The following MBD2 variants were observed in gnomAD, a reference collection of about 807,000 sequenced individuals.
MBD2 encodes methyl-CpG binding domain protein 2, also known as methyl-CpG-binding domain protein 2.
In MBD2, 9 loss-of-function variants were observed where a neutral mutation model predicts 39.3. The ratio of observed to expected loss-of-function variants is 0.23; its 90% CI spans 0.14 to 0.40. The LOEUF is 0.40. Among genes scored for constraint, MBD2 ranks in the 10% least tolerant of loss-of-function variants. MBD2 has a pLI of 1.00. For missense variants in MBD2, 458 were observed against 532.6 expected, an observed-to-expected ratio of 0.86 and a Z score of 1.38; for synonymous variants, 233 against 211.1, an observed-to-expected ratio of 1.10 and a Z score of -0.90.
intron 3 of MBD2, among the ~76,000 whole-genome samples, chr18:54,178,400 T>C (rs2086227215): frequency 6.6e-6 from 1 of 152,180 alleles, no homozygotes; most frequent in Middle Eastern, 3.4e-3. Context: ...AATGTAAGGG[T>C]AATCTCACCA....
intron 2 of MBD2, among the ~76,000 whole-genome samples, chr18:54,201,095 A>G (rs1479921041): frequency 6.6e-6 from 1 of 151,952 alleles, no homozygotes; most frequent in African/African-American, 2.4e-5. Context: ...AAAAAAAAAA[A>G]ATTGAGTTAT....
chr18:54,156,318 A>G (rs576379294), intron 6 of MBD2, among the ~76,000 whole-genome samples: 3 of 152,338 alleles, frequency 2.0e-5, no homozygotes, highest in Non-Finnish European at 2.9e-5. Flanking sequence ...AGTTGGGAAG[A>G]TAACATAAAT....
chr18:54,210,270 A>C (rs931049834), intron 1 of MBD2, among the ~76,000 whole-genome samples: 1 of 152,362 alleles, frequency 6.6e-6, no homozygotes, highest in Admixed American at 6.5e-5. Context: ...ACATAGGAAC[A>C]TTTCATCACT....
intron 3 of MBD2, among the ~76,000 whole-genome samples, chr18:54,185,398 A>G (rs2144307073): frequency 6.6e-6 from 1 of 152,312 alleles, no homozygotes; most frequent in East Asian, 1.9e-4. Flanking sequence ...AAAACACAAA[A>G]GCCTTTTAGC....
chr18:54,172,918 T>G (rs2086188342), intron 3 of MBD2, among the ~76,000 whole-genome samples: 1 of 152,240 alleles, frequency 6.6e-6, no homozygotes, highest in Non-Finnish European at 1.5e-5. Flanking sequence ...TTATAAACAC[T>G]TGAACATGCC....
intron 2 of MBD2, among the ~76,000 whole-genome samples, chr18:54,196,946 A>G (rs936194175): frequency 6.6e-6 from 1 of 152,230 alleles, no homozygotes; most frequent in African/African-American, 2.4e-5. Flanking sequence ...AATTAGCCAA[A>G]AAGATGGAAC....
chr18:54,193,535 T>A (rs1234097611), intron 2 of MBD2, among the ~76,000 whole-genome samples: 2 of 148,812 alleles, frequency 1.3e-5, no homozygotes, highest in East Asian at 1.9e-4. Flanking sequence ...TAAAAATAAA[T>A]CTTTCTTATT....
intron 1 of MBD2, among the ~76,000 whole-genome samples, chr18:54,211,400 C>T (rs1410409568): frequency 1.3e-5 from 2 of 151,374 alleles, no homozygotes; most frequent in African/African-American, 4.8e-5. Context: ...CACACACACA[C>T]ACACACACAC....
chr18:54,204,605 T>C (rs1252184184), intron 2 of MBD2, among the ~76,000 whole-genome samples: 1 of 152,194 alleles, frequency 6.6e-6, no homozygotes, highest in East Asian at 1.9e-4. Flanking sequence ...AACACTGCCC[T>C]TTCTCAAAAT....
intron 1 of MBD2, among the ~76,000 whole-genome samples, chr18:54,205,407 G>C (rs1205357308): frequency 6.6e-6 from 1 of 151,410 alleles, no homozygotes; most frequent in Non-Finnish European, 1.5e-5. Context: ...CCCCGTCTCT[G>C]CTAAAAAAAA....
intron 2 of MBD2, among the ~76,000 whole-genome samples, chr18:54,194,868 G>A (rs1418281532): frequency 6.6e-6 from 1 of 152,052 alleles, no homozygotes; most frequent in Admixed American, 6.5e-5. Flanking sequence ...TTGAAAGCAA[G>A]TAATTGTACT....
chr18:54,205,516 A>C (rs1229850282), intron 1 of MBD2, among the ~76,000 whole-genome samples: 1 of 151,100 alleles, frequency 6.6e-6, no homozygotes, highest in African/African-American at 2.4e-5. Context: ...GCTTGAACTC[A>C]GGAGGTGGAG....
chr18:54,176,238 A>T (rs1384345450), intron 3 of MBD2, among the ~76,000 whole-genome samples: 1 of 152,280 alleles, frequency 6.6e-6, no homozygotes, highest in Non-Finnish European at 1.5e-5. Context: ...ATCCTGGCTC[A>T]AACACTAAAT....
intron 2 of MBD2, among the ~76,000 whole-genome samples, chr18:54,199,165 C>A (rs993665208): frequency 2.0e-5 from 3 of 152,130 alleles, no homozygotes; most frequent in Admixed American, 6.6e-5. Flanking sequence ...AAAGAACAGG[C>A]ACATTGTGTT....
At chr18:54,158,151 C>T (rs1250018883) in intron 6 of MBD2, among the ~76,000 whole-genome samples, 1 of 152,160 alleles carries the variant, frequency 6.6e-6, no homozygotes, top group Non-Finnish European at 1.5e-5. Context: ...TCCCTAACAA[C>T]CCACAGGTCC....
chr18:54,204,866 A>G (rs755948782), intron 2 of MBD2, 132 bp downstream of exon 2: 28 of 740,018 alleles, frequency 3.8e-5, no homozygotes, highest in Non-Finnish European at 5.9e-5. Context: ...TTGCTGGGAC[A>G]GGGTGGGCAG....
At chr18:54,191,046 T>C (rs1407589124) in intron 2 of MBD2, among the ~76,000 whole-genome samples, 3 of 152,204 alleles carry the variant, frequency 2.0e-5, no homozygotes, top group African/African-American at 4.8e-5. Context: ...ATACGTCTGA[T>C]ATATTTTTGA....
chr18:54,166,841 T>C (rs2144284418), intron 3 of MBD2, among the ~76,000 whole-genome samples: 1 of 152,350 alleles, frequency 6.6e-6, no homozygotes, highest in African/African-American at 2.4e-5. Context: ...CCCTAGGGGC[T>C]ATGGAGCCTT....
chr18:54,164,586 G>C lies in MBD2; in HGVS notation c.1046C>G (p.Ala349Gly). The C allele has an allele frequency of 7.4e-6, 12 of 1,614,212 alleles. No individual in the cohort carries two copies. The highest frequency in any genetic ancestry group is 1.0e-5 in the Non-Finnish European group (12 of 1,180,034). Residue 349 changes from alanine (A) to glycine (G), a missense_variant, in exon 5 of 7, where the codon GCT becomes GGT. Around this residue, in one of 2 missense-constraint regions of MBD2, gnomAD observed 189 missense variants for 296.6 expected, o/e 0.64. Coordinates refer to ENST00000256429, the MANE Select transcript of MBD2 (RefSeq NM_003927.5). ...GGGTTGAGATGTGTTAAGCCAAACA[G>C]CAGGGTTCTTTTCCACAGCAGCGGA... ...QVSAAVEKNPAVWLNTSQPLC... is the reference protein window; with the variant it reads ...QVSAAVEKNPGVWLNTSQPLC...
Sources: allele counts gnomAD v4.1 joint callset (sites outside exome capture counted in the v4.1 genomes callset), GRCh38; gene constraint gnomAD v4.1.1; regional missense constraint gnomAD v4.1.1; transcripts MANE v1.5; gene names NCBI Gene and HGNC (gene_info 2026-07-23, HGNC 2026-07-21).